EYS: variants seen among roughly 807,000 people sequenced by gnomAD.
The protein encoded by EYS is protein eyes shut homolog.
A neutral mutation model predicts 282.1 loss-of-function variants in EYS; 250 were observed. The ratio of observed to expected loss-of-function variants is 0.89; its 90% CI spans 0.80 to 0.98. The LOEUF is 0.98. EYS is among the 50% of genes least tolerant of loss of function. The pLI is 0.00. For missense variants in EYS, 4,016 were observed against 3,709.0 expected, an observed-to-expected ratio of 1.08 and a Z score of -2.15; for synonymous variants, 1,355 against 1,282.9, an observed-to-expected ratio of 1.06 and a Z score of -1.20.
chr6:64,802,819 T>TATC (rs1764295473), intron 22 of EYS, among the ~76,000 whole-genome samples: 1 of 152,256 alleles, frequency 6.6e-6, no homozygotes, highest in Non-Finnish European at 1.5e-5. Flanking sequence ...TCTAATCATC[T>TATC]ATCATTTATC....
chr6:63,828,782 G>T (rs551125160), intron 36 of EYS, among the ~76,000 whole-genome samples: 1 of 152,284 alleles, frequency 6.6e-6, no homozygotes, highest in African/African-American at 2.4e-5. Flanking sequence ...TGCAAGAATG[G>T]CCATAATAAA....
chr6:65,134,658 C>T (rs1261194591), intron 12 of EYS, among the ~76,000 whole-genome samples: 1 of 151,972 alleles, frequency 6.6e-6, no homozygotes, highest in African/African-American at 2.4e-5. Flanking sequence ...GGGTACTAGG[C>T]TCAGTACCTG....
intron 31 of EYS, among the ~76,000 whole-genome samples, chr6:64,175,719 G>A (rs759488253): frequency 3.2e-4 from 48 of 152,224 alleles, no homozygotes; most frequent in Admixed American, 1.4e-3. Context: ...GGCATTGTCC[G>A]GTCATGCCCT....
chr6:64,161,028 A>G (rs370237282), intron 31 of EYS, among the ~76,000 whole-genome samples: 10 of 152,336 alleles, frequency 6.6e-5, no homozygotes, highest in African/African-American at 1.4e-4. Flanking sequence ...TCATTAAAAA[A>G]TCTGTATAAG....
At chr6:64,583,954 T>C (rs566502374) in intron 26 of EYS, among the ~76,000 whole-genome samples, 17 of 152,266 alleles carry the variant, frequency 1.1e-4, no homozygotes, top group African/African-American at 4.1e-4. Context: ...ATCTCTGTGT[T>C]CCATGCAAGA....
chr6:65,030,743 T>G (rs901825673), intron 13 of EYS, among the ~76,000 whole-genome samples: 3 of 152,168 alleles, frequency 2.0e-5, no homozygotes, highest in African/African-American at 7.2e-5. Context: ...TGCTTTATAG[T>G]GTCAATCAAG....
At chr6:64,375,607 T>G (rs998467388) in intron 29 of EYS, among the ~76,000 whole-genome samples, 1 of 152,164 alleles carries the variant, frequency 6.6e-6, no homozygotes, top group Admixed American at 6.5e-5. Context: ...TTCAGGTGCT[T>G]ACAAAAAACC....
At chr6:64,550,445 G>A (rs1026271131) in intron 26 of EYS, among the ~76,000 whole-genome samples, 18 of 152,024 alleles carry the variant, frequency 1.2e-4, no homozygotes, top group Non-Finnish European at 2.2e-4. Context: ...GATATGAGAT[G>A]GTATCTCATT....
At chr6:64,574,268 G>A (rs752346572) in intron 26 of EYS, among the ~76,000 whole-genome samples, 2 of 152,026 alleles carry the variant, frequency 1.3e-5, no homozygotes, top group African/African-American at 2.4e-5. Context: ...ACACACCAGG[G>A]CCTATTGGTG....
intron 31 of EYS, among the ~76,000 whole-genome samples, chr6:64,219,727 C>T (rs890860025): frequency 5.3e-5 from 8 of 152,164 alleles, no homozygotes; most frequent in African/African-American, 7.2e-5. Context: ...ATCGCCATTG[C>T]GCATGTATGT....
chr6:64,588,003 C>T (rs1439978398), intron 26 of EYS, among the ~76,000 whole-genome samples: 1 of 151,838 alleles, frequency 6.6e-6, no homozygotes, highest in Admixed American at 6.6e-5. Flanking sequence ...TCCTTCATTG[C>T]CAGATAATTT....
chr6:64,964,955 C>T (rs1351654977), intron 14 of EYS, among the ~76,000 whole-genome samples: 2 of 152,034 alleles, frequency 1.3e-5, no homozygotes, highest in Non-Finnish European at 2.9e-5. Context: ...ATCACTTGAA[C>T]CTGGGAAGTG....
intron 13 of EYS, among the ~76,000 whole-genome samples, chr6:65,044,464 T>A (rs772228443): frequency 6.6e-6 from 1 of 151,804 alleles, no homozygotes; most frequent in African/African-American, 2.4e-5. Flanking sequence ...CAATCCAATT[T>A]TGTGGAGATT....
intron 32 of EYS, among the ~76,000 whole-genome samples, chr6:64,080,450 A>G (rs944738614): frequency 1.3e-5 from 2 of 151,850 alleles, no homozygotes; most frequent in African/African-American, 4.8e-5. Flanking sequence ...TAGATTCTGG[A>G]TATTAGCCCT....
At chr6:64,880,332 T>C (rs894864842) in intron 19 of EYS, among the ~76,000 whole-genome samples, 20 of 151,976 alleles carry the variant, frequency 1.3e-4, no homozygotes, top group Admixed American at 1.3e-3. Flanking sequence ...TATATAATTG[T>C]ATATACATGC....
At chr6:64,500,787 G>A (rs907009414) in intron 26 of EYS, among the ~76,000 whole-genome samples, 1 of 151,856 alleles carries the variant, frequency 6.6e-6, no homozygotes, top group Non-Finnish European at 1.5e-5. Context: ...GCATCCATCA[G>A]GAAAAAAACT....
At chr6:64,006,313 A>AT (rs1319086943) in intron 33 of EYS, among the ~76,000 whole-genome samples, 9 of 151,862 alleles carry the variant, frequency 5.9e-5, no homozygotes, top group East Asian at 3.9e-4. Context: ...TTTTATGTGG[A>AT]TTTTTTTTAT....
At chr6:65,039,662 T>G (rs905551183) in intron 13 of EYS, among the ~76,000 whole-genome samples, 1 of 151,608 alleles carries the variant, frequency 6.6e-6, no homozygotes, top group Non-Finnish European at 1.5e-5. Context: ...CATATTTTCC[T>G]TTTTAAAAAT....
At chr6:64,630,975 A>G (rs963787575) in intron 22 of EYS, among the ~76,000 whole-genome samples, 3 of 152,188 alleles carry the variant, frequency 2.0e-5, no homozygotes, top group Admixed American at 6.5e-5. Context: ...ATTTTAATAG[A>G]ATGTCTGACG....
Sources: gnomAD v4.1 joint callset for allele counts (sites outside exome capture counted in the v4.1 genomes callset) on GRCh38, gnomAD v4.1.1 for gene constraint, MANE v1.5 for transcripts, NCBI Gene and HGNC (gene_info 2026-07-23, HGNC 2026-07-21) for gene names.